Variants in FHIT observed in about 807,000 individuals in gnomAD.
FHIT encodes bis(5'-adenosyl)-triphosphatase.
FHIT carries 19 observed loss-of-function variants against 17.9 expected under a neutral mutation model. That is an observed-to-expected ratio of 1.06 (90% CI 0.74 to 1.56). FHIT has a LOEUF of 1.56. Among genes scored for constraint, FHIT ranks in the 40% most tolerant of loss-of-function variants. The probability of loss-of-function intolerance (pLI) is 0.00; values close to 1 mark genes in which losing one functional copy is unlikely to be tolerated. For synonymous variants in FHIT, 81 were observed against 69.7 expected (o/e 1.16, Z -0.81); for missense variants, 248 against 189.2 (o/e 1.31, Z -1.82).
At chr3:60,431,973 G>A (rs972998089) in intron 5 of FHIT, among the ~76,000 whole-genome samples, 2 of 151,838 alleles carry the variant, frequency 1.3e-5, no homozygotes, top group African/African-American at 4.8e-5. Flanking sequence ...TTTTATTTTT[G>A]TTTGCTTGGG....
intron 5 of FHIT, among the ~76,000 whole-genome samples, chr3:60,449,773 G>A (rs1383537175): frequency 6.6e-6 from 1 of 152,050 alleles, no homozygotes; most frequent in African/African-American, 2.4e-5. Flanking sequence ...GGGAGGCCGA[G>A]GTGGGTGCAT....
Position 60,825,609 on chromosome 3 carries a change from T to C in FHIT, c.-110-3598A>G, listed in dbSNP as rs557484345. ...CCTCCTGTCAGATCAGCAGGGACAT[T>C]AGGTTCTCATAGGAGCAGGAACCCT... On this transcript the variant is annotated intron_variant, in intron 3 of 9. Transcript: ENST00000492590. Among the ~76,000 whole-genome samples, 10 of 152,168 alleles carry C rather than the reference T, an allele frequency of 6.6e-5. No homozygotes were observed. The South Asian group carries it at 2.1e-3, about 32-fold the overall frequency.
chr3:61,182,305 A>C (rs1406764560), intron 2 of FHIT, among the ~76,000 whole-genome samples: 1 of 152,214 alleles, frequency 6.6e-6, no homozygotes, highest in Non-Finnish European at 1.5e-5. Flanking sequence ...AACTGTTCCA[A>C]AAGTTCAGTT....
chr3:60,110,589 G>A (rs1351006050), intron 5 of FHIT, among the ~76,000 whole-genome samples: 1 of 152,078 alleles, frequency 6.6e-6, no homozygotes, highest in Non-Finnish European at 1.5e-5. Context: ...TGCATTCTTG[G>A]ATAAGTTACA....
At chr3:60,768,642 A>G (rs1553722172) in intron 4 of FHIT, among the ~76,000 whole-genome samples, 2 of 152,158 alleles carry the variant, frequency 1.3e-5, no homozygotes, top group Non-Finnish European at 2.9e-5. Context: ...CATTTCCTCT[A>G]CCTTTTGTGG....
intron 3 of FHIT, among the ~76,000 whole-genome samples, chr3:61,021,362 G>A (rs1183896588): frequency 6.6e-6 from 1 of 151,606 alleles, no homozygotes; most frequent in Non-Finnish European, 1.5e-5. Flanking sequence ...CACTTTGGGA[G>A]GCCGAGGCGG....
At chr3:60,440,284 G>C (rs2107325184) in intron 5 of FHIT, among the ~76,000 whole-genome samples, 2 of 152,166 alleles carry the variant, frequency 1.3e-5, no homozygotes, top group Admixed American at 1.3e-4. Flanking sequence ...CCCAATCAGG[G>C]AAATTGGGCT....
chr3:60,185,813 T>C (rs1469373538), intron 5 of FHIT, among the ~76,000 whole-genome samples: 1 of 152,180 alleles, frequency 6.6e-6, no homozygotes, highest in East Asian at 1.9e-4. Context: ...TGGTATTTGC[T>C]CTACATCCTC....
chr3:60,656,608 C>T (rs1412391808), intron 4 of FHIT, among the ~76,000 whole-genome samples: 2 of 152,164 alleles, frequency 1.3e-5, no homozygotes, highest in Admixed American at 6.5e-5. Flanking sequence ...GCTTTCTCCA[C>T]CCTCCACCTC....
intron 5 of FHIT, among the ~76,000 whole-genome samples, chr3:60,053,920 G>C (rs1360552338): frequency 6.6e-6 from 1 of 152,094 alleles, no homozygotes; most frequent in East Asian, 1.9e-4. Context: ...CTTTCAACAT[G>C]CTTATAAATC....
chr3:60,359,623 C>G (rs981163637), intron 5 of FHIT, among the ~76,000 whole-genome samples: 1 of 152,126 alleles, frequency 6.6e-6, no homozygotes, highest in Non-Finnish European at 1.5e-5. Context: ...AGCCCATGAC[C>G]CCTTCACCAG....
At chr3:60,617,669 T>C (rs919686344) in intron 4 of FHIT, 4 of 153,632 alleles carry the variant, frequency 2.6e-5, no homozygotes, top group African/African-American at 7.2e-5. Flanking sequence ...TACACAAATA[T>C]CAAACAGAAG....
chr3:60,728,669 T>C (rs775755100), intron 4 of FHIT, among the ~76,000 whole-genome samples: 29 of 149,140 alleles, frequency 1.9e-4, no homozygotes, highest in Admixed American at 1.5e-3. Context: ...AATTTACATC[T>C]TTTAAATCAA....
intron 4 of FHIT, among the ~76,000 whole-genome samples, chr3:60,606,652 C>A (rs1433062098): frequency 6.6e-6 from 1 of 152,086 alleles, no homozygotes; most frequent in Non-Finnish European, 1.5e-5. Flanking sequence ...GTCCTGGAGA[C>A]TTCTGGTATA....
intron 5 of FHIT, among the ~76,000 whole-genome samples, chr3:60,119,072 T>G (rs1705125964): frequency 1.3e-5 from 2 of 151,816 alleles, no homozygotes; most frequent in South Asian, 4.2e-4. Context: ...TCTTCAATTT[T>G]TAATTTATTT....
At chr3:60,817,438 C>T (rs1446776801) in intron 4 of FHIT, among the ~76,000 whole-genome samples, 12 of 151,790 alleles carry the variant, frequency 7.9e-5, no homozygotes, top group Non-Finnish European at 1.8e-4. Flanking sequence ...TCTTAGTTTC[C>T]TTTTATCTGA....
chr3:60,965,325 G>A (rs540827113), intron 3 of FHIT, among the ~76,000 whole-genome samples: 14 of 152,250 alleles, frequency 9.2e-5, no homozygotes, highest in African/African-American at 2.4e-4. Context: ...TCTAGTTAGC[G>A]ATTCGTCTAA....
At chr3:60,340,676 G>A (rs1315849967) in intron 5 of FHIT, among the ~76,000 whole-genome samples, 4 of 152,128 alleles carry the variant, frequency 2.6e-5, no homozygotes, top group Non-Finnish European at 5.9e-5. Context: ...AACAACACAG[G>A]TTTTAACTGT....
intron 7 of FHIT, among the ~76,000 whole-genome samples, chr3:59,952,845 C>A (rs972166488): frequency 1.3e-5 from 2 of 152,126 alleles, no homozygotes; most frequent in African/African-American, 4.8e-5. Flanking sequence ...CTCATCACAG[C>A]AAGATGCTCC....
Sources: gnomAD v4.1 joint callset for allele counts (sites outside exome capture counted in the v4.1 genomes callset) on GRCh38, gnomAD v4.1.1 for gene constraint, MANE v1.5 for transcripts, NCBI Gene and HGNC (gene_info 2026-07-23, HGNC 2026-07-21) for gene names.